Variants in TUSC3 observed in about 807,000 individuals in gnomAD.
The protein encoded by TUSC3 is tumor suppressor candidate 3.
Under a neutral mutation model 44.8 loss-of-function variants are expected in TUSC3, and 45 were observed. The observed-to-expected ratio is 1.00, with a 90% CI of 0.79 to 1.29. The LOEUF (loss-of-function observed/expected upper bound fraction) is 1.29, where lower values mean the gene tolerates loss of function less well. Ranked by LOEUF, TUSC3 falls within the 50% of genes most tolerant of loss-of-function variation. The pLI is 0.00. For synonymous variants in TUSC3, 212 were observed against 152.9 expected, an observed-to-expected ratio of 1.39 and a Z score of -2.85; for missense variants, 519 against 437.9, an observed-to-expected ratio of 1.19 and a Z score of -1.65.
chr8:15,486,751 C>T (rs1800737564), intron 2 of TUSC3, among the ~76,000 whole-genome samples: 1 of 152,104 alleles, frequency 6.6e-6, no homozygotes, highest in African/African-American at 2.4e-5. Context: ...CCTCCTCTCC[C>T]ACAATTTTCT....
At chr8:15,643,585 G>T (rs958969100) in intron 2 of TUSC3, among the ~76,000 whole-genome samples, 1 of 152,144 alleles carries the variant, frequency 6.6e-6, no homozygotes, top group Admixed American at 6.5e-5. Context: ...ACTTAGGTCT[G>T]ATGAAGAAAA....
chr8:15,532,486 G>A (rs990505504), intron 2 of TUSC3, among the ~76,000 whole-genome samples: 3 of 152,148 alleles, frequency 2.0e-5, no homozygotes, highest in African/African-American at 4.8e-5. Flanking sequence ...TATGGTCCGT[G>A]TTTTTCTGAA....
At chr8:15,780,672 G>A in the TUSC3 span, among the ~76,000 whole-genome samples, 19 of 152,128 alleles carry the variant, frequency 1.2e-4, no homozygotes, top group Admixed American at 5.2e-4. Context: ...TAGGACCTGG[G>A]CACTTTCTCA....
chr8:15,831,161 G>A, the TUSC3 span, among the ~76,000 whole-genome samples: 1 of 152,186 alleles, frequency 6.6e-6, no homozygotes, highest in Non-Finnish European at 1.5e-5. Flanking sequence ...CAGAATTAGG[G>A]CATGCAGCCC....
chr8:15,615,376 A>G (rs1212487228), intron 1 of TUSC3, among the ~76,000 whole-genome samples: 3 of 152,208 alleles, frequency 2.0e-5, no homozygotes, highest in South Asian at 2.1e-4. Context: ...CAAACATCAC[A>G]TGTTCTCACT....
chr8:15,719,190 A>G (rs1810193459), intron 6 of TUSC3, among the ~76,000 whole-genome samples: 1 of 152,054 alleles, frequency 6.6e-6, no homozygotes, highest in South Asian at 2.1e-4. Flanking sequence ...AATTCAGAAT[A>G]ACATCTAAGT....
chr8:15,605,321 C>T (rs1259405980), intron 1 of TUSC3, among the ~76,000 whole-genome samples: 2 of 151,838 alleles, frequency 1.3e-5, no homozygotes, highest in African/African-American at 2.4e-5. Flanking sequence ...GTCTCTTAAA[C>T]TGTCTCTAAC....
intron 1 of TUSC3, among the ~76,000 whole-genome samples, chr8:15,469,081 C>A (rs1031820678): frequency 6.6e-6 from 1 of 152,012 alleles, no homozygotes; most frequent in East Asian, 1.9e-4. Context: ...AATAAAATTC[C>A]CTGGAGATAA....
intron 1 of TUSC3, among the ~76,000 whole-genome samples, chr8:15,607,557 A>G (rs1266777065): frequency 6.6e-6 from 1 of 152,216 alleles, no homozygotes; most frequent in Non-Finnish European, 1.5e-5. Flanking sequence ...CTAACATTTC[A>G]TTATGAACTT....
chr8:15,703,661 C>G (rs1299269449), intron 6 of TUSC3, among the ~76,000 whole-genome samples: 2 of 152,028 alleles, frequency 1.3e-5, no homozygotes, highest in African/African-American at 2.4e-5. Flanking sequence ...TTATGGGGAG[C>G]CAGCATGTGT....
At chr8:15,612,709 C>T (rs190971540) in intron 1 of TUSC3, among the ~76,000 whole-genome samples, 28 of 152,198 alleles carry the variant, frequency 1.8e-4, no homozygotes, top group African/African-American at 6.5e-4. Flanking sequence ...GACCTTCTAA[C>T]CTTTGTTTTT....
intron 1 of TUSC3, among the ~76,000 whole-genome samples, chr8:15,593,996 T>C (rs1237002216): frequency 6.6e-6 from 1 of 152,190 alleles, no homozygotes; most frequent in Non-Finnish European, 1.5e-5. Flanking sequence ...AACTTTGGCA[T>C]GTACTAACGA....
intron 5 of TUSC3, among the ~76,000 whole-genome samples, chr8:15,667,825 G>A (rs543488956): frequency 1.3e-5 from 2 of 151,822 alleles, no homozygotes; most frequent in South Asian, 2.1e-4. Context: ...ATGAAAGTTC[G>A]TTGTATAGAA....
At chr8:15,624,958 C>G (rs966915432) in intron 2 of TUSC3, among the ~76,000 whole-genome samples, 8 of 152,074 alleles carry the variant, frequency 5.3e-5, no homozygotes, top group African/African-American at 1.7e-4. Context: ...AAAGAAAGCA[C>G]TCAATCTGTC....
chr8:15,707,170 A>C (rs1306184506), intron 6 of TUSC3, among the ~76,000 whole-genome samples: 1 of 152,028 alleles, frequency 6.6e-6, no homozygotes, highest in Non-Finnish European at 1.5e-5. Flanking sequence ...CACTTTCATA[A>C]TGCCTACATA....
Position 15,582,182 on chromosome 8 carries a change from G to A in TUSC3, c.139-40898G>A, listed in dbSNP as rs200491136. ...CTGCTTCGGCTCGCGCATGGTGCGC[G>A]CACCCACTGGCCTGCGCCCACTGTC... On this transcript the variant is annotated intron_variant, in intron 1 of 10. Transcript: ENST00000503731. Among the ~76,000 whole-genome samples, 6 of 152,288 alleles carry A rather than the reference G, an allele frequency of 3.9e-5. No homozygotes were observed. In the East Asian group the frequency reaches 5.8e-4, roughly 15 times the overall value.
chr8:15,588,861 C>G (rs1040487763), intron 1 of TUSC3, among the ~76,000 whole-genome samples: 1 of 152,008 alleles, frequency 6.6e-6, no homozygotes, highest in Non-Finnish European at 1.5e-5. Context: ...TATCAGTTGG[C>G]TGTGAATATG....
chr8:15,749,550 C>T (rs1423534653), intron 9 of TUSC3, among the ~76,000 whole-genome samples: 2 of 151,908 alleles, frequency 1.3e-5, no homozygotes, highest in Non-Finnish European at 2.9e-5. Context: ...GATTTTCTGA[C>T]ACCCTGCCTG....
chr8:15,807,206 T>G, the TUSC3 span: 191 of 718,560 alleles, frequency 2.7e-4, no homozygotes, highest in African/African-American at 3.0e-3. Flanking sequence ...GCATGCTGCG[T>G]AGCTCGTATC....
Sources: gnomAD v4.1 joint callset for allele counts (sites outside exome capture counted in the v4.1 genomes callset) on GRCh38, gnomAD v4.1.1 for gene constraint, MANE v1.5 for transcripts, NCBI Gene and HGNC (gene_info 2026-07-23, HGNC 2026-07-21) for gene names.